Variants in PLCH1 observed in about 807,000 individuals in gnomAD.
The protein encoded by PLCH1 is phospholipase C eta 1.
In PLCH1, 60 loss-of-function variants were observed where a neutral mutation model predicts 126.7. The observed-to-expected ratio is 0.47, with a 90% CI of 0.38 to 0.59. PLCH1 has a LOEUF of 0.59. PLCH1 is among the 20% of genes least tolerant of loss of function. PLCH1 has a pLI of 0.00. For synonymous variants in PLCH1, 719 were observed against 734.9 expected (o/e 0.98, Z 0.35); for missense variants, 1,723 against 2,040.0 (o/e 0.84, Z 2.99).
chr3:155,492,436 A>AACCTAGATTT (rs1195567455), intron 18 of PLCH1, among the ~76,000 whole-genome samples: 1 of 152,214 alleles, frequency 6.6e-6, no homozygotes, highest in Non-Finnish European at 1.5e-5. Flanking sequence ...ATATACTCTT[A>AACCTAGATTT]GGTGTTGTTC....
At chr3:155,579,844 CTCTGTCTCTGTCTGTCTGTCTGTG>C (rs745438874) in intron 6 of PLCH1, among the ~76,000 whole-genome samples, 3 of 152,098 alleles carry the variant, frequency 2.0e-5, no homozygotes, top group Non-Finnish European at 4.4e-5. Flanking sequence ...GCCTGTCAGT[CTCTGTCTCTGTCTGTCTGTCTGTG>C]TCTGTCTCTG....
intron 2 of PLCH1, among the ~76,000 whole-genome samples, chr3:155,645,993 T>G (rs1023817445): frequency 6.6e-6 from 1 of 152,198 alleles, no homozygotes; most frequent in Admixed American, 6.5e-5. Flanking sequence ...ATGTCTGGTA[T>G]CTGGCCCTGG....
rs146570219 is a variant in PLCH1, at chr3:155,481,616, A to T, written c.4410T>A (p.His1470Gln). 18 of 1,614,192 alleles carry T rather than the reference A, an allele frequency of 1.1e-5. 1 individual carries two copies. In the African/African-American group the frequency reaches 1.7e-4, roughly 16 times the overall value. The change falls in exon 23 of 23, where the codon CAT (histidine) becomes CAA (glutamine). Residue 1470 changes from histidine to glutamine, a missense_variant. Physicochemically the swap from His to Gln is conservative, Grantham distance 24. Coordinates refer to ENST00000460012, the MANE Select transcript of PLCH1 (RefSeq NM_014996.4). This position sits in a 1 kb window ranked among gnomAD's most constrained non-coding sequence, Gnocchi z 4.2. ...GCAGTTTCAGAGCAGGCAAAGGAAG[A>T]TGTGCCAACTGCTTGGGTACAGGGA... ...MHVPVPKQLA[H>Q]LPLPALKLPS...
chr3:155,641,848 T>C (rs1739438861), intron 2 of PLCH1, among the ~76,000 whole-genome samples: 2 of 152,138 alleles, frequency 1.3e-5, no homozygotes, highest in South Asian at 4.1e-4. Flanking sequence ...AAGGCTTTCC[T>C]GGCAGAGAAG....
At chr3:155,681,460 C>T (rs78995800) in intron 2 of PLCH1, among the ~76,000 whole-genome samples, 232 of 152,334 alleles carry the variant, frequency 1.5e-3, no homozygotes, top group African/African-American at 5.4e-3. Flanking sequence ...CAAGATGGCA[C>T]AGCAAGTCTG....
At position 155,530,410 on chromosome 3, in the gene PLCH1, G is replaced by A. The variant is rs561177997; in HGVS notation, c.1363-6406C>T. Among the ~76,000 whole-genome samples the A allele has an allele frequency of 3.3e-5, 5 of 150,404 alleles. No homozygotes were observed. The South Asian group carries it at 6.3e-4, about 19-fold the overall frequency. ...GTGCGATCTGCAAGCTCCGCCTCCC[G>A]GGTTCACACCATTCTCCTGCCTCAG... On this transcript the variant is annotated intron_variant, in intron 10 of 22. Transcript: ENST00000460012.
chr3:155,659,419 C>A (rs1741858541), intron 2 of PLCH1, among the ~76,000 whole-genome samples: 1 of 144,212 alleles, frequency 6.9e-6, no homozygotes, highest in Non-Finnish European at 1.5e-5. Context: ...GAACCTCCTG[C>A]ATTCAAGCAA....
intron 10 of PLCH1, among the ~76,000 whole-genome samples, chr3:155,536,288 A>G (rs1723346223): frequency 6.6e-6 from 1 of 152,234 alleles, no homozygotes; most frequent in African/African-American, 2.4e-5. Flanking sequence ...TCAAAAGATC[A>G]CAATATCTCA....
At chr3:155,483,330 CT>C in intron 22 of PLCH1, 1 of 1,512,050 alleles carries the variant, frequency 6.6e-7, no homozygotes, top group South Asian at 1.2e-5. Context: ...AGTTACCATA[CT>C]TTTACAGTGA....
intron 17 of PLCH1, 26 bp from the exon 18 acceptor site, chr3:155,492,879 T>C (rs766383722): frequency 1.8e-5 from 28 of 1,551,576 alleles, no homozygotes; most frequent in African/African-American, 2.8e-5. Flanking sequence ...TATAAGTTGG[T>C]AACATAAGAA....
In PLCH1 at chr3:155,481,104, C is replaced by A. The variant is rs199636539; in HGVS notation, c.4922G>T (p.Gly1641Val). 4.1e-5 allele frequency: 66 copies of A among 1,614,204 alleles called. No homozygotes were observed. Among genetic ancestry groups the A allele is most frequent in the East Asian group, 1.1e-4 (5 of 44,876 alleles). ...GCATGCCCCCTCTGGGATGCCCCGG[C>A]CTTCAAGGCCACCCCCTTTCGTGTT... ...LKNTKGGGLEGRGIPEGACTA... is the reference protein window; with the variant it reads ...LKNTKGGGLEVRGIPEGACTA... Residue 1641 changes from glycine to valine, a missense_variant, in exon 23 of 23, where the codon GGC becomes GTC. This residue lies in a region of PLCH1 where 947 missense variants were observed against 977.1 expected (regional missense o/e 0.97). Coordinates refer to ENST00000460012, the MANE Select transcript of PLCH1 (RefSeq NM_014996.4). This position sits in a 1 kb window ranked among gnomAD's most constrained non-coding sequence, Gnocchi z 4.2.
At chr3:155,615,301 T>G (rs1735659176) in intron 2 of PLCH1, among the ~76,000 whole-genome samples, 1 of 152,162 alleles carries the variant, frequency 6.6e-6, no homozygotes, top group South Asian at 2.1e-4. Flanking sequence ...TTGGCATGGA[T>G]GTTGTGAACA....
chr3:155,560,301 T>G (rs1214023006), intron 8 of PLCH1, among the ~76,000 whole-genome samples: 2 of 152,176 alleles, frequency 1.3e-5, no homozygotes, highest in Non-Finnish European at 2.9e-5. Context: ...ATGCCAGACA[T>G]GAAAACTTGT....
intron 2 of PLCH1, among the ~76,000 whole-genome samples, chr3:155,643,197 C>T (rs924622904): frequency 2.6e-5 from 4 of 152,156 alleles, no homozygotes; most frequent in Admixed American, 2.0e-4. Context: ...GGTCCACCCA[C>T]CTCGGCCTTC....
At chr3:155,649,296 T>A (rs1385011828) in intron 2 of PLCH1, among the ~76,000 whole-genome samples, 1 of 152,134 alleles carries the variant, frequency 6.6e-6, no homozygotes, top group Non-Finnish European at 1.5e-5. Flanking sequence ...CCCTTGAGCA[T>A]CAATTCCAGA....
chr3:155,690,796 C>A (rs1745322637), intron 2 of PLCH1, among the ~76,000 whole-genome samples: 1 of 152,198 alleles, frequency 6.6e-6, no homozygotes, highest in Non-Finnish European at 1.5e-5. Flanking sequence ...AGGACTAATA[C>A]CCAAGCCCGG....
intron 10 of PLCH1, among the ~76,000 whole-genome samples, chr3:155,547,711 T>C (rs1725548918): frequency 6.6e-6 from 1 of 151,622 alleles, no homozygotes; most frequent in African/African-American, 2.4e-5. Context: ...TATGCAGCCA[T>C]AAAAAATGAT....
chr3:155,549,636 A>C, intron 10 of PLCH1, 151 bp downstream of exon 10: 1 of 581,328 alleles, frequency 1.7e-6, no homozygotes, highest in East Asian at 2.8e-5. Flanking sequence ...GACTATAAAA[A>C]AATTGGAATA....
chr3:155,743,722 T>C (rs1749787004), intron 1 of PLCH1: 1 of 346,578 alleles, frequency 2.9e-6, no homozygotes, highest in Non-Finnish European at 5.5e-6. Flanking sequence ...TGGTCCCTTT[T>C]GCAGAGCATC....
Sources: gnomAD v4.1 joint callset for allele counts (sites outside exome capture counted in the v4.1 genomes callset) on GRCh38, gnomAD v4.1.1 for gene constraint, gnomAD v4.1.1 regional missense constraint, Gnocchi (gnomAD v3.1) non-coding constraint, MANE v1.5 for transcripts, NCBI Gene and HGNC (gene_info 2026-07-23, HGNC 2026-07-21) for gene names.